EXOC6: variants seen among roughly 807,000 people sequenced by gnomAD.
The protein encoded by EXOC6 is SEC15-like 1.
Under a neutral mutation model 112.5 loss-of-function variants are expected in EXOC6, and 60 were observed. The ratio of observed to expected loss-of-function variants is 0.53; its 90% CI spans 0.43 to 0.66. EXOC6 has a LOEUF of 0.66. Among genes scored for constraint, EXOC6 ranks in the 30% least tolerant of loss-of-function variants. The pLI is 0.00. For synonymous variants in EXOC6, 295 were observed against 308.0 expected (o/e 0.96, Z 0.44); for missense variants, 855 against 957.1 (o/e 0.89, Z 1.41).
chr10:92,859,842 T>C (rs1016007286), intron 1 of EXOC6, among the ~76,000 whole-genome samples: 127 of 151,534 alleles, frequency 8.4e-4, no homozygotes, highest in Admixed American at 1.4e-3. Flanking sequence ...TGTGTGTGTG[T>C]GTGTGTGTGT....
At chr10:93,042,950 T>G (rs1442788780) in intron 20 of EXOC6, among the ~76,000 whole-genome samples, 1 of 115,162 alleles carries the variant, frequency 8.7e-6, no homozygotes, top group African/African-American at 3.6e-5. Context: ...ATTATTATTA[T>G]TATTATTATT....
chr10:92,863,708 C>T (rs1171985857), intron 1 of EXOC6, among the ~76,000 whole-genome samples: 8 of 151,928 alleles, frequency 5.3e-5, no homozygotes, highest in Non-Finnish European at 8.8e-5. Context: ...GTCAGGAGAT[C>T]GAGACCATCC....
chr10:93,009,788 C>T (rs181274262), intron 19 of EXOC6, among the ~76,000 whole-genome samples: 3 of 152,152 alleles, frequency 2.0e-5, no homozygotes, highest in Admixed American at 1.3e-4. Flanking sequence ...CTAAGGTGCC[C>T]CTAGGGAAAT....
intron 5 of EXOC6, among the ~76,000 whole-genome samples, chr10:92,902,579 G>C (rs971476805): frequency 3.2e-4 from 49 of 151,748 alleles, no homozygotes; most frequent in African/African-American, 1.0e-3. Context: ...TGGAGTTGTA[G>C]ACTTATGACT....
chr10:92,944,259 A>G (rs1852841388), intron 13 of EXOC6, among the ~76,000 whole-genome samples: 1 of 151,800 alleles, frequency 6.6e-6, no homozygotes, highest in Non-Finnish European at 1.5e-5. Context: ...TTTTTGAGAC[A>G]GAGTCTTTGC....
intron 19 of EXOC6, among the ~76,000 whole-genome samples, chr10:93,010,700 TA>T (rs538429286): frequency 0.029 from 3,761 of 131,656 alleles, 81 homozygotes; most frequent in African/African-American, 0.072. Context: ...CTCCATCTCT[TA>T]AAAAAAAAAA....
chr10:92,828,932 T>A (rs1243019225), intron 1 of EXOC6, among the ~76,000 whole-genome samples: 1 of 152,026 alleles, frequency 6.6e-6, no homozygotes, highest in Non-Finnish European at 1.5e-5. Flanking sequence ...AAGGAAGTCC[T>A]CCGTAAACTT....
chr10:92,960,143 C>T (rs1377346721), intron 17 of EXOC6, among the ~76,000 whole-genome samples: 1 of 152,110 alleles, frequency 6.6e-6, no homozygotes, highest in Admixed American at 6.5e-5. Context: ...TATAAATAAA[C>T]CCTGGTATAT....
rs961201203 is a variant in EXOC6, at chr10:92,955,732, C to G, written c.1773+18C>G. On this transcript the variant is annotated intron_variant, in intron 17 of 21. Coordinates refer to ENST00000260762, the MANE Select transcript of EXOC6 (RefSeq NM_019053.6). ...CTTTCAAGGTATGTAAAAATTTGAC[C>G]AAAAGTTTTCATTTCAGTCACTGTA... The G allele has an allele frequency of 6.3e-7, 1 of 1,595,804 alleles. No individual in the cohort carries two copies. Among genetic ancestry groups the G allele is most frequent in the Middle Eastern group, 1.7e-4 (1 of 5,936 alleles).
intron 13 of EXOC6, among the ~76,000 whole-genome samples, chr10:92,944,281 G>T (rs754946644): frequency 3.3e-5 from 5 of 151,648 alleles, no homozygotes; most frequent in Non-Finnish European, 7.4e-5. Flanking sequence ...CTATCACCCA[G>T]GCTGGAGTGC....
chr10:92,976,754 A>G lies in EXOC6; in HGVS notation c.1953+2522A>G, dbSNP rs144497529. On this transcript the variant is annotated intron_variant, in intron 18 of 21. Transcript: ENST00000260762. Reference sequence around the variant, plus strand: ...AATTACTGGCTATTTTTGAGCCAAGAGAGTAAAAGTAAAACTGGAGCATTG... The same window carrying G: ...AATTACTGGCTATTTTTGAGCCAAGGGAGTAAAAGTAAAACTGGAGCATTG... 2.0e-4 allele frequency among the ~76,000 whole-genome samples: 31 copies of G among 152,134 alleles called. No homozygotes were observed. The East Asian group carries it at 5.8e-3, about 28-fold the overall frequency.
intron 14 of EXOC6, among the ~76,000 whole-genome samples, chr10:92,949,437 A>G (rs1010831043): frequency 1.3e-5 from 2 of 152,010 alleles, no homozygotes; most frequent in East Asian, 3.8e-4. Flanking sequence ...TGAAAGCCCA[A>G]TGAAAGTTGT....
rs117084470 is a variant in EXOC6 at position 93,042,061 on chromosome 10, G to A, written c.2170-14863G>A. Among the ~76,000 whole-genome samples the A allele has an allele frequency of 4.4e-3, 671 of 152,302 alleles. 2 individuals carry two copies. The highest frequency in any genetic ancestry group is 6.8e-3 in the Middle Eastern group (2 of 294). On this transcript the variant is annotated intron_variant, in intron 20 of 21. Coordinates refer to ENST00000260762, the MANE Select transcript of EXOC6 (RefSeq NM_019053.6). Reference sequence around the variant, plus strand: ...TGGCTACCCAAAGTTCCTGAACAAGGCATATATATCCTTTTATGATTCAGC... The same window carrying A: ...TGGCTACCCAAAGTTCCTGAACAAGACATATATATCCTTTTATGATTCAGC...
intron 20 of EXOC6, among the ~76,000 whole-genome samples, chr10:93,033,871 A>C (rs749860611): frequency 6.6e-6 from 1 of 152,242 alleles, no homozygotes; most frequent in Admixed American, 6.5e-5. Context: ...AGTTGAAGAC[A>C]AAGACTATTG....
intron 8 of EXOC6, among the ~76,000 whole-genome samples, chr10:92,923,280 T>G (rs2133918263): frequency 6.6e-6 from 1 of 152,354 alleles, no homozygotes; most frequent in East Asian, 1.9e-4. Flanking sequence ...ACAGTTTCCT[T>G]CTTCAACATT....
At chr10:92,892,944 T>C (rs1205867423) in intron 1 of EXOC6, among the ~76,000 whole-genome samples, 1 of 152,180 alleles carries the variant, frequency 6.6e-6, no homozygotes, top group African/African-American at 2.4e-5. Context: ...TTGTGGGGAT[T>C]AAAGAGTTAA....
At chr10:92,971,370 T>A (rs1842290190) in intron 17 of EXOC6, among the ~76,000 whole-genome samples, 1 of 150,372 alleles carries the variant, frequency 6.7e-6, no homozygotes, top group Non-Finnish European at 1.5e-5. Flanking sequence ...ACTTCACTTA[T>A]TGTACTTTTT....
At chr10:93,035,025 TG>T (rs1376290073) in intron 20 of EXOC6, among the ~76,000 whole-genome samples, 1 of 152,256 alleles carries the variant, frequency 6.6e-6, no homozygotes, top group Non-Finnish European at 1.5e-5. Flanking sequence ...TAAATTCATT[TG>T]AAGTGCCAAA....
chr10:92,828,630 C>T (rs1013333245), intron 1 of EXOC6, among the ~76,000 whole-genome samples: 4 of 93,076 alleles, frequency 4.3e-5, no homozygotes, highest in South Asian at 5.0e-4. Flanking sequence ...CACTGTGCCC[C>T]GCCAGTTTTT....
Sources: gnomAD v4.1 joint callset for allele counts (sites outside exome capture counted in the v4.1 genomes callset) on GRCh38, gnomAD v4.1.1 for gene constraint, MANE v1.5 for transcripts, NCBI Gene and HGNC (gene_info 2026-07-23, HGNC 2026-07-21) for gene names.